Variants in SIAH3 observed in about 807,000 individuals in gnomAD.
The protein encoded by SIAH3 is seven in absentia homolog 3.
In SIAH3, 9 loss-of-function variants were observed where a neutral mutation model predicts 12.6. The observed-to-expected ratio is 0.72, with a 90% CI of 0.43 to 1.25. The LOEUF is 1.25. SIAH3 is among the 50% of genes most tolerant of loss of function. SIAH3 has a pLI of 0.00. For synonymous variants in SIAH3, 154 were observed against 151.1 expected, an observed-to-expected ratio of 1.02 and a Z score of -0.14; for missense variants, 390 against 365.4, an observed-to-expected ratio of 1.07 and a Z score of -0.55.
chr13:45,808,074 CG>C (rs1414360494), intron 1 of SIAH3, among the ~76,000 whole-genome samples: 4 of 151,992 alleles, frequency 2.6e-5, no homozygotes, highest in African/African-American at 9.7e-5. Flanking sequence ...ACTTCATGTG[CG>C]GTGATGTTGT....
At chr13:45,837,805 C>G (rs9634794) in intron 1 of SIAH3, among the ~76,000 whole-genome samples, 73,464 of 151,994 alleles carry the variant, frequency 0.48, 18,198 homozygotes, top group Admixed American at 0.62. Flanking sequence ...ACTTGCCAAG[C>G]ATCTCATAGA....
At chr13:45,800,326 C>T (rs1950577288) in intron 1 of SIAH3, among the ~76,000 whole-genome samples, 1 of 152,166 alleles carries the variant, frequency 6.6e-6, no homozygotes, top group Non-Finnish European at 1.5e-5. Context: ...TTGGAGAACT[C>T]ATATGAATGT....
intron 1 of SIAH3, among the ~76,000 whole-genome samples, chr13:45,826,689 C>G (rs1323402774): frequency 6.6e-6 from 1 of 152,094 alleles, no homozygotes; most frequent in Non-Finnish European, 1.5e-5. Context: ...TCAAGTTAAA[C>G]ATGAAAATCT....
Position 45,783,994 on chromosome 13 carries a change from G to T in SIAH3, c.199C>A (p.His67Asn). The T allele has an allele frequency of 6.2e-7, 1 of 1,606,472 alleles. No homozygotes were observed. Among genetic ancestry groups the T allele is most frequent in the South Asian group, 1.1e-5 (1 of 89,100 alleles). Residue 67 changes from histidine (H) to asparagine (N), a missense_variant, in exon 2 of 2, where the codon CAT becomes AAT. Transcript: ENST00000400405. ...TGGTGGCAGTGGTGGTGGGAGAGAT[G>T]GTGAGGGTGGAAGCTGCCTTGCTCT... ...APEQGSFHPH[H>N]LSHHHCHHRH...
At chr13:45,799,608 C>A (rs977593304) in intron 1 of SIAH3, among the ~76,000 whole-genome samples, 2 of 152,140 alleles carry the variant, frequency 1.3e-5, no homozygotes, top group Admixed American at 6.5e-5. Flanking sequence ...GGAGGATGGT[C>A]TTTCCCAAGG....
intron 1 of SIAH3, among the ~76,000 whole-genome samples, chr13:45,790,909 C>T (rs764209601): frequency 9.9e-5 from 15 of 152,204 alleles, no homozygotes; most frequent in Non-Finnish European, 2.2e-4. Context: ...TGGCCAGGTG[C>T]AGAGGCTCAT....
At chr13:45,786,931 A>G (rs963868121) in intron 1 of SIAH3, among the ~76,000 whole-genome samples, 1 of 152,050 alleles carries the variant, frequency 6.6e-6, no homozygotes, top group African/African-American at 2.4e-5. Flanking sequence ...ATTTCTCCAT[A>G]TTCTTCCCCA....
At chr13:45,840,018 G>A (rs1405770030) in intron 1 of SIAH3, among the ~76,000 whole-genome samples, 2 of 152,166 alleles carry the variant, frequency 1.3e-5, no homozygotes, top group Non-Finnish European at 2.9e-5. Context: ...AGCACTTCGG[G>A]AGGCCGAGGT....
At chr13:45,801,386 G>A (rs376840273) in intron 1 of SIAH3, among the ~76,000 whole-genome samples, 1 of 152,138 alleles carries the variant, frequency 6.6e-6, no homozygotes, top group East Asian at 1.9e-4. Flanking sequence ...GCTTTCCACC[G>A]ACTGATGAGG....
chr13:45,831,606 G>C (rs1950699510), intron 1 of SIAH3, among the ~76,000 whole-genome samples: 6 of 152,136 alleles, frequency 3.9e-5, no homozygotes, highest in Admixed American at 3.9e-4. Flanking sequence ...ATACTCTAAT[G>C]AGAAGGCAGG....
intron 1 of SIAH3, among the ~76,000 whole-genome samples, chr13:45,802,405 G>A (rs1423502515): frequency 2.0e-5 from 3 of 152,128 alleles, no homozygotes; most frequent in Admixed American, 2.0e-4. Flanking sequence ...TGATGAGAGT[G>A]GGGTTAGGGG....
At chr13:45,812,914 G>A (rs1042814750) in intron 1 of SIAH3, among the ~76,000 whole-genome samples, 1 of 152,250 alleles carries the variant, frequency 6.6e-6, no homozygotes, top group African/African-American at 2.4e-5. Flanking sequence ...AAAGGTGCAA[G>A]TCTCCTCCTG....
chr13:45,789,412 C>G (rs1235050368), intron 1 of SIAH3, among the ~76,000 whole-genome samples: 1 of 136,486 alleles, frequency 7.3e-6, no homozygotes, highest in Non-Finnish European at 1.7e-5. Context: ...ATCTATCTAT[C>G]TATCTATATG....
chr13:45,821,696 T>C (rs1218682272), intron 1 of SIAH3, among the ~76,000 whole-genome samples: 1 of 152,240 alleles, frequency 6.6e-6, no homozygotes, highest in African/African-American at 2.4e-5. Flanking sequence ...TGTGGCCCTC[T>C]TAATTATATC....
rs1950497409 is a variant in SIAH3 at position 45,779,911 on chromosome 13, A to T, written c.*3472T>A. ...TGGCCTGACCTCCATTTCGGCGTCA[A>T]CCATGTATGTAGGCTCAGCCTCAAG... On this transcript the variant is annotated 3_prime_UTR_variant, in exon 2 of 2. Transcript: ENST00000400405. 1 of 152,208 alleles carries T rather than the reference A, an allele frequency of 6.6e-6. No individual in the cohort carries two copies. Among genetic ancestry groups the T allele is most frequent in the Non-Finnish European group, 1.5e-5 (1 of 68,050 alleles). 9.4% of individuals were successfully genotyped at this position (152,208 alleles called of 1,614,324 possible).
chr13:45,794,383 G>T (rs891414537), intron 1 of SIAH3, among the ~76,000 whole-genome samples: 3 of 152,196 alleles, frequency 2.0e-5, no homozygotes, highest in Non-Finnish European at 2.9e-5. Context: ...ATAGTGCTTA[G>T]TCCAGAGCAA....
chr13:45,817,452 A>G (rs532519947), intron 1 of SIAH3, among the ~76,000 whole-genome samples: 1 of 152,318 alleles, frequency 6.6e-6, no homozygotes, highest in South Asian at 2.1e-4. Context: ...TAAACAACAC[A>G]CAATTTTAGA....
chr13:45,824,711 G>T (rs560789463), intron 1 of SIAH3, among the ~76,000 whole-genome samples: 1 of 152,232 alleles, frequency 6.6e-6, no homozygotes, highest in East Asian at 1.9e-4. Context: ...GGTATAATTT[G>T]TTAAAGCAGC....
intron 1 of SIAH3, among the ~76,000 whole-genome samples, chr13:45,785,476 G>C (rs1033202986): frequency 1.3e-5 from 2 of 152,208 alleles, no homozygotes; most frequent in African/African-American, 4.8e-5. Flanking sequence ...CTGACTTCCT[G>C]TGGCTAATAG....
Sources: gnomAD v4.1 joint callset for allele counts (sites outside exome capture counted in the v4.1 genomes callset) on GRCh38, gnomAD v4.1.1 for gene constraint, MANE v1.5 for transcripts, NCBI Gene and HGNC (gene_info 2026-07-23, HGNC 2026-07-21) for gene names.